The following CDH13 variants were observed in gnomAD, a reference collection of about 807,000 sequenced individuals.
CDH13 encodes the protein cadherin-13.
Under a neutral mutation model 63.8 loss-of-function variants are expected in CDH13, and 24 were observed. The observed-to-expected ratio is 0.38, with a 90% CI of 0.27 to 0.53. The LOEUF (loss-of-function observed/expected upper bound fraction) is 0.53. Among genes scored for constraint, CDH13 ranks in the 20% least tolerant of loss-of-function variants. CDH13 has a pLI of 0.85. For missense variants in CDH13, 1,049 were observed against 903.1 expected, an observed-to-expected ratio of 1.16 and a Z score of -2.07; for synonymous variants, 503 against 355.3, an observed-to-expected ratio of 1.42 and a Z score of -4.67.
chr16:83,744,135 A>C (rs368540729), intron 10 of CDH13, among the ~76,000 whole-genome samples: 5 of 152,310 alleles, frequency 3.3e-5, no homozygotes, highest in East Asian at 3.9e-4. Context: ...GGGCCCAAGG[A>C]AGCATTCTGT....
rs1904275890 is a variant in CDH13 at position 83,795,216 on chromosome 16, C to T, written c.*186C>T. 7.3e-6 allele frequency: 4 copies of T among 545,226 alleles called. No individual in the cohort carries two copies. In the Admixed American group the frequency reaches 1.3e-4, roughly 18 times the overall value. 33.8% of individuals were successfully genotyped at this position (545,226 alleles called of 1,614,324 possible). A position where few individuals can be genotyped will look rare whatever the true frequency, so the allele number is the denominator to read the frequency against. On this transcript the variant is annotated 3_prime_UTR_variant, in exon 14 of 14. Transcript: ENST00000567109. ...ACTTCATCATTTTGACAGCATCTTC[C>T]TCCCTCCTTTAATTAATGGAATCTT... is the stretch of plus-strand genomic sequence containing the variant.
intron 2 of CDH13, among the ~76,000 whole-genome samples, chr16:82,879,815 T>G (rs1201897069): frequency 7.6e-6 from 1 of 130,910 alleles, no homozygotes; most frequent in Non-Finnish European, 1.5e-5. Flanking sequence ...ATTATATAAT[T>G]TATAAATATA....
chr16:82,973,080 G>T (rs149092914), intron 2 of CDH13, among the ~76,000 whole-genome samples: 1 of 152,276 alleles, frequency 6.6e-6, no homozygotes, highest in East Asian at 1.9e-4. Context: ...TCTATCCTCT[G>T]TCTCAGCATT....
intron 4 of CDH13, among the ~76,000 whole-genome samples, chr16:83,205,658 G>A (rs527706733): frequency 6.9e-6 from 1 of 145,240 alleles, no homozygotes; most frequent in South Asian, 2.2e-4. Context: ...AGGCTGGAGT[G>A]CAGTGACGTG....
chr16:83,209,026 C>T (rs1175221162), intron 4 of CDH13, among the ~76,000 whole-genome samples: 1 of 152,078 alleles, frequency 6.6e-6, no homozygotes, highest in Admixed American at 6.6e-5. Context: ...TTCTGCTGAA[C>T]CCCTATCAAC....
intron 2 of CDH13, among the ~76,000 whole-genome samples, chr16:83,024,434 G>T (rs1195121444): frequency 6.6e-6 from 1 of 152,186 alleles, no homozygotes; most frequent in Non-Finnish European, 1.5e-5. Context: ...GAGTCTGGAA[G>T]CTGAATGACT....
rs969774385 is a variant in CDH13 at position 83,427,555 on chromosome 16, C to A, written c.782-58922C>A. 2.6e-5 allele frequency among the ~76,000 whole-genome samples: 4 copies of A among 152,288 alleles called. No individual in the cohort carries two copies. The South Asian group carries it at 8.3e-4, about 32-fold the overall frequency. ...TCTGACCTCTAAAACTATAAATCAT[C>A]AGAGTTGTTTTAAGTCACTAAGATG... On this transcript the variant is annotated intron_variant, in intron 6 of 13. Coordinates refer to ENST00000567109, the MANE Select transcript of CDH13 (RefSeq NM_001257.5).
chr16:82,651,399 A>G (rs1355617146), intron 1 of CDH13, among the ~76,000 whole-genome samples: 3 of 152,224 alleles, frequency 2.0e-5, no homozygotes, highest in Non-Finnish European at 4.4e-5. Context: ...TGGGAAAGAC[A>G]TTTTGCAGTT....
rs546058851 is a variant in CDH13 at position 83,331,799 on chromosome 16, T to A, written c.637-13063T>A. On this transcript the variant is annotated intron_variant, in intron 5 of 13. Coordinates refer to ENST00000567109, the MANE Select transcript of CDH13 (RefSeq NM_001257.5). Reference sequence around the variant, plus strand: ...ATATTTTTACATTCTCTAAAGTGTGTCTGCAATGCAGTGTTGTACTTTCTG... The same window carrying A: ...ATATTTTTACATTCTCTAAAGTGTGACTGCAATGCAGTGTTGTACTTTCTG... Among the ~76,000 whole-genome samples the A allele has an allele frequency of 1.2e-3, 190 of 152,340 alleles. 2 individuals are homozygous for A. Among genetic ancestry groups the A allele is most frequent in the African/African-American group, 4.4e-3 (182 of 41,584 alleles).
chr16:83,500,868 C>G (rs2074269224), intron 7 of CDH13, among the ~76,000 whole-genome samples: 1 of 152,052 alleles, frequency 6.6e-6, no homozygotes, highest in Admixed American at 6.5e-5. Flanking sequence ...GCATAAGCCA[C>G]CACAACCGGC....
chr16:83,292,127 A>G (rs772105945), intron 5 of CDH13, among the ~76,000 whole-genome samples: 2 of 152,214 alleles, frequency 1.3e-5, no homozygotes, highest in East Asian at 1.9e-4. Flanking sequence ...CATAAGATCA[A>G]TGCAGTTAGT....
intron 4 of CDH13, among the ~76,000 whole-genome samples, chr16:83,164,824 A>G (rs958922667): frequency 6.8e-6 from 1 of 146,070 alleles, no homozygotes; most frequent in Non-Finnish European, 1.5e-5. Flanking sequence ...TTAAATACTA[A>G]CAGTGTGTAT....
At chr16:83,154,063 G>C (rs1213467204) in intron 4 of CDH13, among the ~76,000 whole-genome samples, 1 of 152,104 alleles carries the variant, frequency 6.6e-6, no homozygotes, top group African/African-American at 2.4e-5. Flanking sequence ...TATCAAGCTT[G>C]ACCATGTGAC....
intron 1 of CDH13, chr16:82,823,928 C>G (rs1294004544): frequency 6.6e-6 from 1 of 152,034 alleles, no homozygotes; most frequent in African/African-American, 2.4e-5. Flanking sequence ...GTGACCAACC[C>G]AATAGCAATA....
At position 83,236,441 on chromosome 16, in the gene CDH13, T is replaced by C. The variant is rs151140454; in HGVS notation, c.636+18944T>C. Among the ~76,000 whole-genome samples, 670 of 152,282 alleles carry C rather than the reference T, an allele frequency of 4.4e-3. 4 individuals are homozygous for C. The highest frequency in any genetic ancestry group is 7.0e-3 in the Non-Finnish European group (474 of 68,018). On this transcript the variant is annotated intron_variant, in intron 5 of 13. Transcript: ENST00000567109. ...AAGAAAAGCTCTTAATAACATCCTA[T>C]AAGAAAATCTTAACCATTATAGAAG...
At chr16:82,656,569 T>C (rs540163033) in intron 1 of CDH13, among the ~76,000 whole-genome samples, 133 of 152,288 alleles carry the variant, frequency 8.7e-4, no homozygotes, top group African/African-American at 3.0e-3. Flanking sequence ...TGACTCTACA[T>C]TGACACATCA....
At chr16:82,669,550 A>G (rs1232760163) in intron 1 of CDH13, among the ~76,000 whole-genome samples, 1 of 152,214 alleles carries the variant, frequency 6.6e-6, no homozygotes. Context: ...GACTGGAAAA[A>G]ATCCAGAAGG....
intron 8 of CDH13, among the ~76,000 whole-genome samples, chr16:83,653,456 T>C (rs62966661): frequency 9.9e-5 from 14 of 141,972 alleles, no homozygotes; most frequent in Admixed American, 5.7e-4. Flanking sequence ...TTTTTTTTTT[T>C]CCTCCATAGC....
chr16:82,828,683 C>T (rs1486941495), intron 1 of CDH13, among the ~76,000 whole-genome samples: 2 of 150,962 alleles, frequency 1.3e-5, no homozygotes, highest in African/African-American at 2.4e-5. Context: ...TATATGTATA[C>T]ACAAACATAT....
Sources: allele counts gnomAD v4.1 joint callset (sites outside exome capture counted in the v4.1 genomes callset), GRCh38; gene constraint gnomAD v4.1.1; transcripts MANE v1.5; gene names NCBI Gene and HGNC (gene_info 2026-07-23, HGNC 2026-07-21).